The following SORCS2 variants were observed in gnomAD, a reference collection of about 807,000 sequenced individuals.
SORCS2 encodes the protein VPS10 domain-containing receptor SorCS2.
Under a neutral mutation model 141.6 loss-of-function variants are expected in SORCS2, and 100 were observed. That is an observed-to-expected ratio of 0.71 (90% confidence interval 0.60 to 0.83). The LOEUF (loss-of-function observed/expected upper bound fraction) is 0.83. Among genes scored for constraint, SORCS2 ranks in the 40% least tolerant of loss-of-function variants. SORCS2 has a pLI of 0.00. For synonymous variants in SORCS2, 789 were observed against 676.9 expected, an observed-to-expected ratio of 1.17 and a Z score of -2.57; for missense variants, 1,646 against 1,560.2, an observed-to-expected ratio of 1.05 and a Z score of -0.93.
At chr4:7,598,850 C>G (rs889732887) in intron 3 of SORCS2, among the ~76,000 whole-genome samples, 2 of 152,210 alleles carry the variant, frequency 1.3e-5, no homozygotes, top group Non-Finnish European at 2.9e-5. Flanking sequence ...CCAGGCTGTG[C>G]TCATGCTGAG....
In SORCS2 at chr4:7,724,853, G is replaced by GTGA. The variant is rs147507704; in HGVS notation, c.2612-299_2612-298insATG. On this transcript the variant is annotated intron_variant, in intron 19 of 26. Transcript: ENST00000507866. Reference sequence around the variant, plus strand: ...GATGATGGTGGAGGTGATGGTGGTAGTGGTGATGGTGGTGGTAGTGGTGAT... The same window carrying GTGA: ...GATGATGGTGGAGGTGATGGTGGTAGTGATGGTGATGGTGGTGGTAGTGGTGAT... Among the ~76,000 whole-genome samples, 6 of 11,154 alleles carry GTGA rather than the reference G, an allele frequency of 5.4e-4. 2 individuals carry two copies. Among genetic ancestry groups the GTGA allele is most frequent in the African/African-American group, 1.0e-3 (4 of 3,910 alleles). The allele number at this position is 11,154 out of a possible 152,430, so 7.3% of individuals were successfully genotyped here.
intron 2 of SORCS2, among the ~76,000 whole-genome samples, chr4:7,461,279 G>T (rs1292359174): frequency 2.0e-5 from 3 of 152,196 alleles, no homozygotes; most frequent in Admixed American, 2.0e-4. Context: ...TGCTGTGGGG[G>T]CGTCTGCAGC....
At chr4:7,455,742 C>G (rs987753032) in intron 2 of SORCS2, among the ~76,000 whole-genome samples, 1 of 150,620 alleles carries the variant, frequency 6.6e-6, no homozygotes, top group Non-Finnish European at 1.5e-5. Context: ...TGGGGTCAGG[C>G]TCCGTCTTGG....
At position 7,450,451 on chromosome 4, in the gene SORCS2, T is replaced by G. The variant is rs567264392; in HGVS notation, c.548+54096T>G. Among the ~76,000 whole-genome samples the G allele has an allele frequency of 1.3e-4, 20 of 152,360 alleles. No homozygotes were observed. In the East Asian group the frequency reaches 2.5e-3, roughly 19 times the overall value. On this transcript the variant is annotated intron_variant, in intron 2 of 26. Coordinates refer to ENST00000507866, the MANE Select transcript of SORCS2 (RefSeq NM_020777.3). ...GAGTGTCAGGCGAGGCCCCATCATC[T>G]TTGTGTCTGCTCAGCAGCTTCTGGG... is the stretch of plus-strand genomic sequence containing the variant.
At chr4:7,246,692 G>A (rs112127435) in intron 1 of SORCS2, among the ~76,000 whole-genome samples, 129 of 152,350 alleles carry the variant, frequency 8.5e-4, no homozygotes, top group African/African-American at 2.7e-3. Context: ...GGTAGCATCT[G>A]GAGGGAGATG....
intron 2 of SORCS2, among the ~76,000 whole-genome samples, chr4:7,510,062 C>T (rs1285345497): frequency 6.6e-6 from 1 of 152,214 alleles, no homozygotes; most frequent in Non-Finnish European, 1.5e-5. Flanking sequence ...TCTTTAAATG[C>T]CATGTTTATT....
chr4:7,690,482 A>G (rs1384160800), intron 11 of SORCS2, among the ~76,000 whole-genome samples: 1 of 150,746 alleles, frequency 6.6e-6, no homozygotes, highest in Non-Finnish European at 1.5e-5. Context: ...GGGTGGATGG[A>G]TGATGGATGA....
intron 1 of SORCS2, among the ~76,000 whole-genome samples, chr4:7,303,860 C>T (rs1717611646): frequency 6.6e-6 from 1 of 152,258 alleles, no homozygotes; most frequent in African/African-American, 2.4e-5. Flanking sequence ...GCGATGTTCC[C>T]TGTGGACCTG....
chr4:7,617,143 T>C (rs941338241), intron 3 of SORCS2, among the ~76,000 whole-genome samples: 1 of 152,112 alleles, frequency 6.6e-6, no homozygotes, highest in African/African-American at 2.4e-5. Context: ...ATTCTATCCG[T>C]CCACCCGCCA....
chr4:7,409,858 G>A (rs1322958403), intron 2 of SORCS2, among the ~76,000 whole-genome samples: 2 of 152,188 alleles, frequency 1.3e-5, no homozygotes, highest in African/African-American at 4.8e-5. Context: ...GTTTTCTGTG[G>A]GTGGGAGTGA....
At chr4:7,511,403 G>T (rs866436967) in intron 2 of SORCS2, among the ~76,000 whole-genome samples, 1 of 146,018 alleles carries the variant, frequency 6.8e-6, no homozygotes, top group Non-Finnish European at 1.5e-5. Context: ...TCCCTGCAGA[G>T]AGAGAGGGGG....
intron 2 of SORCS2, among the ~76,000 whole-genome samples, chr4:7,455,150 A>T (rs1272727477): frequency 2.0e-4 from 2 of 10,190 alleles, no homozygotes; most frequent in African/African-American, 3.1e-4. Context: ...GCGGTCAGGC[A>T]CTGTGTGTTG....
intron 1 of SORCS2, among the ~76,000 whole-genome samples, chr4:7,231,552 TC>T (rs2108776580): frequency 6.6e-6 from 1 of 152,306 alleles, no homozygotes; most frequent in Admixed American, 6.5e-5. Context: ...CATCCATCCA[TC>T]CATCCACTCA....
At chr4:7,413,011 C>T (rs1017324636) in intron 2 of SORCS2, among the ~76,000 whole-genome samples, 7 of 152,114 alleles carry the variant, frequency 4.6e-5, no homozygotes, top group South Asian at 2.1e-4. Flanking sequence ...AGGCATCATG[C>T]GTGAATTTCA....
At chr4:7,730,564 C>T (rs1300661974) in intron 23 of SORCS2, among the ~76,000 whole-genome samples, 5 of 152,192 alleles carry the variant, frequency 3.3e-5, no homozygotes, top group Non-Finnish European at 7.3e-5. Flanking sequence ...CCAAAAGGAA[C>T]GAAGCCCTTG....
intron 2 of SORCS2, among the ~76,000 whole-genome samples, chr4:7,481,778 C>T (rs1424408753): frequency 6.6e-6 from 1 of 152,094 alleles, no homozygotes; most frequent in Non-Finnish European, 1.5e-5. Context: ...CAGGGAAATG[C>T]TGGATGCTGC....
chr4:7,428,037 A>T (rs1216600002), intron 2 of SORCS2, among the ~76,000 whole-genome samples: 1 of 152,078 alleles, frequency 6.6e-6, no homozygotes, highest in Non-Finnish European at 1.5e-5. Flanking sequence ...GGGGGCACCC[A>T]TCTCCCTGAG....
intron 12 of SORCS2, 60 bp from the exon 13 acceptor site, chr4:7,703,220 C>A: frequency 7.0e-7 from 1 of 1,424,738 alleles, no homozygotes; most frequent in Non-Finnish European, 9.6e-7. Flanking sequence ...AGCCGCTCAG[C>A]CTGGAACAAC....
intron 1 of SORCS2, among the ~76,000 whole-genome samples, chr4:7,367,276 G>A (rs1260607339): frequency 6.6e-6 from 1 of 152,236 alleles, no homozygotes; most frequent in Non-Finnish European, 1.5e-5. Context: ...ACAAACTTGA[G>A]TGTGTCCAGA....
Sources: gnomAD v4.1 joint callset for allele counts (sites outside exome capture counted in the v4.1 genomes callset) on GRCh38, gnomAD v4.1.1 for gene constraint, MANE v1.5 for transcripts, NCBI Gene and HGNC (gene_info 2026-07-23, HGNC 2026-07-21) for gene names.